Variants in RBFOX1 observed in about 807,000 individuals in gnomAD.
RBFOX1 encodes RNA binding fox-1 homolog 1, also known as RNA binding protein fox-1 homolog 1.
A neutral mutation model predicts 57.7 loss-of-function variants in RBFOX1; 8 were observed. The ratio of observed to expected loss-of-function variants is 0.14; its 90% CI spans 0.08 to 0.25. The LOEUF (loss-of-function observed/expected upper bound fraction) is 0.25. RBFOX1 is among the 10% of genes least tolerant of loss of function. The pLI is 1.00. For missense variants in RBFOX1, 611 were observed against 548.5 expected, an observed-to-expected ratio of 1.11 and a Z score of -1.14; for synonymous variants, 326 against 222.4, an observed-to-expected ratio of 1.47 and a Z score of -4.15.
At chr16:6,217,949 G>A (rs1331344174) in intron 1 of RBFOX1, among the ~76,000 whole-genome samples, 2 of 152,328 alleles carry the variant, frequency 1.3e-5, no homozygotes, top group East Asian at 3.9e-4. Context: ...CGGGGAGGTG[G>A]AGGTTGTAGT....
At chr16:5,984,154 CCCT>C (rs1193693331) in intron 4 of RBFOX1, among the ~76,000 whole-genome samples, 5 of 35,058 alleles carry the variant, frequency 1.4e-4, no homozygotes, top group African/African-American at 5.5e-4. Context: ...CTTCCCCTCC[CCCT>C]CCTCCTCCTC....
chr16:5,500,109 C>T (rs554946335), intron 2 of RBFOX1, among the ~76,000 whole-genome samples: 20 of 129,278 alleles, frequency 1.5e-4, no homozygotes, highest in Non-Finnish European at 3.2e-4. Flanking sequence ...CCTCCCTTCC[C>T]TCCCTTCCCT....
chr16:5,871,821 G>C lies in RBFOX1; in HGVS notation c.351+4486G>C, dbSNP rs58623200. ...ATACTTTAATGGCAATGTAAACTCAGTGGAGGGCCTCAATTTTGATAAATT... is the reference window on the plus strand; with the variant it reads ...ATACTTTAATGGCAATGTAAACTCACTGGAGGGCCTCAATTTTGATAAATT... On this transcript the variant is annotated intron_variant, in intron 4 of 19. Transcript: ENST00000641259. Among the ~76,000 whole-genome samples the C allele has an allele frequency of 3.3e-5, 5 of 152,182 alleles. No individual in the cohort carries two copies. In the East Asian group the frequency reaches 7.7e-4, roughly 24 times the overall value.
chr16:6,415,736 A>G (rs2093607198), intron 2 of RBFOX1, among the ~76,000 whole-genome samples: 1 of 152,076 alleles, frequency 6.6e-6, no homozygotes. Flanking sequence ...AAAACAGGAG[A>G]GTCTGTGTGC....
intron 3 of RBFOX1, among the ~76,000 whole-genome samples, chr16:7,024,301 T>A (rs1207231227): frequency 6.6e-6 from 1 of 152,158 alleles, no homozygotes; most frequent in Non-Finnish European, 1.5e-5. Context: ...GAGAGCCTGG[T>A]TCTGTGACAT....
At chr16:5,879,822 G>C (rs1221486216) in intron 4 of RBFOX1, among the ~76,000 whole-genome samples, 2 of 152,086 alleles carry the variant, frequency 1.3e-5, no homozygotes, top group Non-Finnish European at 2.9e-5. Context: ...GGCTTCTCTG[G>C]GTCAGTGCAT....
intron 2 of RBFOX1, among the ~76,000 whole-genome samples, chr16:6,521,546 CTCCTT>C (rs1169651000): frequency 6.9e-6 from 1 of 145,748 alleles, no homozygotes; most frequent in South Asian, 2.1e-4. Context: ...CTCCTCTCCT[CTCCTT>C]CCCTCGCTCT....
intron 3 of RBFOX1, among the ~76,000 whole-genome samples, chr16:5,747,559 C>T (rs146768787): frequency 2.2e-3 from 342 of 152,158 alleles, no homozygotes; most frequent in African/African-American, 8.0e-3. Flanking sequence ...AATTTGAGAG[C>T]CTGTGATTCG....
chr16:6,450,647 A>G (rs2094569668), intron 2 of RBFOX1, among the ~76,000 whole-genome samples: 1 of 147,858 alleles, frequency 6.8e-6, no homozygotes, highest in South Asian at 2.1e-4. Flanking sequence ...AACAAGATAG[A>G]TAAATAAATC....
chr16:6,002,708 A>G (rs1184186138), intron 4 of RBFOX1, among the ~76,000 whole-genome samples: 2 of 152,270 alleles, frequency 1.3e-5, no homozygotes, highest in East Asian at 1.9e-4. Flanking sequence ...GAATAAAGCA[A>G]TATAAAGTTC....
chr16:5,361,074 T>G (rs1206582190), intron 1 of RBFOX1, among the ~76,000 whole-genome samples: 1 of 152,186 alleles, frequency 6.6e-6, no homozygotes, highest in Non-Finnish European at 1.5e-5. Flanking sequence ...TATGGAACAC[T>G]CTATATTCAT....
rs574993330 is a variant in RBFOX1, at chr16:6,492,717, C to T, written c.-63-161886C>T. Among the ~76,000 whole-genome samples, 28 of 152,256 alleles carry T rather than the reference C, an allele frequency of 1.8e-4. No homozygotes were observed. In the East Asian group the frequency reaches 4.4e-3, roughly 24 times the overall value. ...GTGAACAGTCAGAAGGAAACTGGAG[C>T]GGAGGAAATACCTAAGTAGGGTGAT... On this transcript the variant is annotated intron_variant, in intron 2 of 15. Coordinates refer to ENST00000550418, the MANE Select transcript of RBFOX1 (RefSeq NM_018723.4).
At chr16:5,991,609 G>A (rs147329204) in intron 4 of RBFOX1, among the ~76,000 whole-genome samples, 2 of 151,592 alleles carry the variant, frequency 1.3e-5, no homozygotes, top group African/African-American at 2.4e-5. Flanking sequence ...ACTCCTCATC[G>A]AAAAGATGCC....
chr16:6,048,996 ATTTTG>A (rs2152431546), intron 1 of RBFOX1, among the ~76,000 whole-genome samples: 1 of 147,192 alleles, frequency 6.8e-6, no homozygotes, highest in South Asian at 2.1e-4. Flanking sequence ...CTTGATCATC[ATTTTG>A]ATGATCATCC....
chr16:7,105,880 G>A (rs546054360), intron 4 of RBFOX1, among the ~76,000 whole-genome samples: 7 of 152,206 alleles, frequency 4.6e-5, no homozygotes, highest in Non-Finnish European at 8.8e-5. Flanking sequence ...GAGAATGGAG[G>A]AGGTATTGTT....
At chr16:5,772,876 T>A (rs980800659) in intron 3 of RBFOX1, among the ~76,000 whole-genome samples, 1 of 151,898 alleles carries the variant, frequency 6.6e-6, no homozygotes, top group Non-Finnish European at 1.5e-5. Flanking sequence ...AGGTCAAGAG[T>A]AGACCAGTAA....
At chr16:7,702,592 G>C (rs1369282044) in intron 14 of RBFOX1, among the ~76,000 whole-genome samples, 1 of 152,124 alleles carries the variant, frequency 6.6e-6, no homozygotes, top group Non-Finnish European at 1.5e-5. Context: ...CAGTAGCTGG[G>C]GCAGTGCTGC....
intron 1 of RBFOX1, among the ~76,000 whole-genome samples, chr16:6,068,492 G>A (rs964450938): frequency 6.6e-6 from 1 of 152,114 alleles, no homozygotes; most frequent in Non-Finnish European, 1.5e-5. Context: ...AATAGGAACC[G>A]TTTGGGGTTA....
rs201645330 is a variant in RBFOX1, at chr16:6,754,703, G to GT, written c.-16+100063dup. On this transcript the variant is annotated intron_variant, in intron 3 of 15. Coordinates refer to ENST00000550418, the MANE Select transcript of RBFOX1 (RefSeq NM_018723.4). Reference sequence around the variant, plus strand: ...AGAGAGATGCAGGAAATGGAATGTTGTTTTTTTTTTATTATTATAGTTTAA... The same window carrying GT: ...AGAGAGATGCAGGAAATGGAATGTTGTTTTTTTTTTTATTATTATAGTTTAA... 1.5e-3 allele frequency among the ~76,000 whole-genome samples: 219 copies of GT among 148,476 alleles called. 3 individuals carry two copies. Among genetic ancestry groups the GT allele is most frequent in the Middle Eastern group, 0.014 (4 of 288 alleles).
Sources: allele counts gnomAD v4.1 joint callset (sites outside exome capture counted in the v4.1 genomes callset), GRCh38; gene constraint gnomAD v4.1.1; transcripts MANE v1.5; gene names NCBI Gene and HGNC (gene_info 2026-07-23, HGNC 2026-07-21).